Variants in KDM4C observed in about 807,000 individuals in gnomAD.
KDM4C encodes lysine demethylase 4C.
Under a neutral mutation model 129.3 loss-of-function variants are expected in KDM4C, and 81 were observed. The ratio of observed to expected loss-of-function variants is 0.63; its 90% CI spans 0.52 to 0.75. KDM4C has a LOEUF of 0.75. KDM4C is among the 30% of genes least tolerant of loss of function. The pLI, the probability that KDM4C is intolerant of heterozygous loss-of-function variation, is 0.00. For missense variants in KDM4C, 1,457 were observed against 1,304.0 expected (o/e 1.12, Z -1.81); for synonymous variants, 573 against 456.1 (o/e 1.26, Z -3.26).
chr9:7,002,043 C>T (rs774180861), intron 12 of KDM4C, among the ~76,000 whole-genome samples: 1 of 152,108 alleles, frequency 6.6e-6, no homozygotes, highest in Non-Finnish European at 1.5e-5. Context: ...CAGGCACGTA[C>T]CACCACACCT....
At chr9:6,831,869 G>A (rs1834891949) in intron 4 of KDM4C, among the ~76,000 whole-genome samples, 1 of 152,160 alleles carries the variant, frequency 6.6e-6, no homozygotes, top group Non-Finnish European at 1.5e-5. Context: ...AGCTGCAAGA[G>A]AAGCTGGAAA....
chr9:6,799,194 T>C (rs1828416085), intron 2 of KDM4C, among the ~76,000 whole-genome samples: 1 of 152,098 alleles, frequency 6.6e-6, no homozygotes, highest in Non-Finnish European at 1.5e-5. Context: ...ATCTCGGCAC[T>C]TTGGGAGGCC....
intron 5 of KDM4C, among the ~76,000 whole-genome samples, chr9:6,876,004 G>T (rs1190216620): frequency 6.6e-6 from 1 of 152,168 alleles, no homozygotes; most frequent in African/African-American, 2.4e-5. Context: ...TAGAGAAAGA[G>T]AACATAGGGC....
At chr9:7,146,654 C>G (rs1842240161) in intron 19 of KDM4C, among the ~76,000 whole-genome samples, 1 of 152,188 alleles carries the variant, frequency 6.6e-6, no homozygotes, top group Admixed American at 6.5e-5. Flanking sequence ...ACTCACTACT[C>G]ATTCCTTTGT....
At chr9:6,912,439 C>T (rs1305998930) in intron 8 of KDM4C, among the ~76,000 whole-genome samples, 3 of 152,154 alleles carry the variant, frequency 2.0e-5, no homozygotes, top group South Asian at 4.1e-4. Context: ...TTCTCTGAGG[C>T]AGGGTTCCAG....
intron 19 of KDM4C, among the ~76,000 whole-genome samples, chr9:7,137,713 C>T (rs901072139): frequency 5.9e-5 from 9 of 152,274 alleles, no homozygotes; most frequent in Admixed American, 2.0e-4. Context: ...CTTCCTGAGG[C>T]GAGTTGTCAA....
chr9:7,032,507 A>G (rs756206000), intron 15 of KDM4C, among the ~76,000 whole-genome samples: 4 of 152,218 alleles, frequency 2.6e-5, no homozygotes, highest in Non-Finnish European at 5.9e-5. Flanking sequence ...GTTCAGAATA[A>G]CTATGGATTT....
chr9:7,125,921 G>C (rs1036397933), intron 18 of KDM4C, among the ~76,000 whole-genome samples: 2 of 152,196 alleles, frequency 1.3e-5, no homozygotes, highest in African/African-American at 4.8e-5. Flanking sequence ...CTTGAGAGCA[G>C]ACTTTGGCAT....
At chr9:6,889,259 G>GTGTGTGTGTGTGTGTGTGTGT in intron 7 of KDM4C, among the ~76,000 whole-genome samples, 1 of 148,630 alleles carries the variant, frequency 6.7e-6, no homozygotes, top group African/African-American at 2.5e-5. Flanking sequence ...GTGGGAGGGT[G>GTGTGTGTGTGTGTGTGTGTGT]GGGGGGATTT....
chr9:6,971,768 T>C (rs1486478216), intron 8 of KDM4C, among the ~76,000 whole-genome samples: 1 of 152,224 alleles, frequency 6.6e-6, no homozygotes, highest in Non-Finnish European at 1.5e-5. Context: ...TCAAGGGTTC[T>C]ACACAATGAT....
At chr9:6,752,538 G>C (rs921623649) in intron 1 of KDM4C, among the ~76,000 whole-genome samples, 1 of 150,492 alleles carries the variant, frequency 6.6e-6, no homozygotes, top group Admixed American at 6.6e-5. Flanking sequence ...AGCCTCCTGA[G>C]TAGCTGGGTT....
At chr9:6,851,176 A>C (rs930508477) in intron 5 of KDM4C, among the ~76,000 whole-genome samples, 18 of 152,264 alleles carry the variant, frequency 1.2e-4, no homozygotes, top group African/African-American at 4.1e-4. Flanking sequence ...ATGGAGTCTT[A>C]GTGTGTTGTC....
rs556203392 is a variant in KDM4C at position 6,877,315 on chromosome 9, G to A, written c.630-2697G>A. Among the ~76,000 whole-genome samples the A allele has an allele frequency of 7.6e-4, 116 of 152,222 alleles. 1 individual carries two copies. The highest frequency in any genetic ancestry group is 2.7e-3 in the African/African-American group (112 of 41,526). ...TCCTGGCTTCACGCCATTCTTCTGC[G>A]TCAGCCTCCCAAGTAGCTGAGACTA... is the stretch of plus-strand genomic sequence containing the variant. On this transcript the variant is annotated intron_variant, in intron 5 of 21. Transcript: ENST00000381309.
chr9:6,786,294 T>A (rs138217349), intron 1 of KDM4C, among the ~76,000 whole-genome samples: 85 of 152,334 alleles, frequency 5.6e-4, no homozygotes, highest in African/African-American at 1.9e-3. Context: ...TTTATCATAA[T>A]GTAAAAATTT....
chr9:7,088,576 G>C (rs1258336618), intron 17 of KDM4C, among the ~76,000 whole-genome samples: 1 of 152,164 alleles, frequency 6.6e-6, no homozygotes, highest in African/African-American at 2.4e-5. Context: ...TTCAACATAT[G>C]AGGGGTGGCT....
intron 19 of KDM4C, among the ~76,000 whole-genome samples, chr9:7,138,191 C>T (rs955785974): frequency 6.6e-6 from 1 of 152,134 alleles, no homozygotes; most frequent in Non-Finnish European, 1.5e-5. Context: ...CTAATCTTCC[C>T]TACAGAGAGT....
intron 4 of KDM4C, among the ~76,000 whole-genome samples, chr9:6,837,466 C>T (rs964147864): frequency 8.5e-5 from 13 of 152,172 alleles, no homozygotes; most frequent in Admixed American, 1.3e-4. Context: ...CCAGTCTAGT[C>T]GCAGAACATT....
intron 5 of KDM4C, among the ~76,000 whole-genome samples, chr9:6,868,111 C>T (rs552295022): frequency 2.0e-5 from 3 of 151,910 alleles, no homozygotes; most frequent in Admixed American, 6.6e-5. Flanking sequence ...CTTTCTCGCA[C>T]CAAACCCTCC....
At chr9:7,109,334 A>G (rs1196972124) in intron 18 of KDM4C, among the ~76,000 whole-genome samples, 1 of 152,230 alleles carries the variant, frequency 6.6e-6, no homozygotes, top group African/African-American at 2.4e-5. Context: ...ACAGTACTAT[A>G]TAATCAACTA....
Sources: allele counts gnomAD v4.1 joint callset (sites outside exome capture counted in the v4.1 genomes callset), GRCh38; gene constraint gnomAD v4.1.1; transcripts MANE v1.5; gene names NCBI Gene and HGNC (gene_info 2026-07-23, HGNC 2026-07-21).